The following FOXO1 variants were observed in gnomAD, a reference collection of about 807,000 sequenced individuals.
FOXO1 encodes the protein forkhead box protein O1.
In FOXO1, 6 loss-of-function variants were observed where a neutral mutation model predicts 44.1. The observed-to-expected ratio is 0.14, with a 90% CI of 0.07 to 0.27. The LOEUF is 0.27. Ranked by LOEUF, FOXO1 falls within the 10% of genes least tolerant of loss-of-function variation. The probability of loss-of-function intolerance (pLI) is 1.00; values close to 1 mark genes in which losing one functional copy is unlikely to be tolerated. For synonymous variants in FOXO1, 380 were observed against 362.7 expected, an observed-to-expected ratio of 1.05 and a Z score of -0.54; for missense variants, 737 against 888.8, an observed-to-expected ratio of 0.83 and a Z score of 2.17.
intron 1 of FOXO1, among the ~76,000 whole-genome samples, chr13:40,639,684 C>G (rs1225179270): frequency 6.6e-6 from 1 of 152,226 alleles, no homozygotes. Context: ...TCTCTAATCA[C>G]TAGATGCCAG....
chr13:40,616,369 T>C (rs965790576), intron 1 of FOXO1, among the ~76,000 whole-genome samples: 12 of 152,062 alleles, frequency 7.9e-5, no homozygotes, highest in African/African-American at 1.9e-4. Flanking sequence ...AAGGGACTAA[T>C]GTTTAAAGAT....
At chr13:40,566,643 C>T (rs1205589084) in intron 1 of FOXO1, among the ~76,000 whole-genome samples, 4 of 152,174 alleles carry the variant, frequency 2.6e-5, no homozygotes, top group East Asian at 1.9e-4. Context: ...CTCCACAAAG[C>T]GCTGGGATTA....
chr13:40,588,191 T>G (rs554227573), intron 1 of FOXO1, among the ~76,000 whole-genome samples: 1 of 152,088 alleles, frequency 6.6e-6, no homozygotes, highest in African/African-American at 2.4e-5. Flanking sequence ...GATTAGGGAG[T>G]GCTCATCTTC....
chr13:40,615,528 AATACATACATAC>A (rs56390235), intron 1 of FOXO1, among the ~76,000 whole-genome samples: 28,303 of 139,654 alleles, frequency 0.2, 2,995 homozygotes, highest in Non-Finnish European at 0.27. Context: ...CTCCATCTCA[AATACATACATAC>A]ATACATACAT....
chr13:40,625,777 G>A (rs1373091322), intron 1 of FOXO1, among the ~76,000 whole-genome samples: 2 of 152,120 alleles, frequency 1.3e-5, no homozygotes, highest in Admixed American at 1.3e-4. Context: ...AGGAAAACAT[G>A]GCATATGATA....
chr13:40,665,817 C>A lies in FOXO1; in HGVS notation c.396G>T (p.Ser132=), dbSNP rs1878219223. 6 of 1,202,940 alleles carry A rather than the reference C, an allele frequency of 5.0e-6. No homozygotes were observed. Among genetic ancestry groups the A allele is most frequent in the Non-Finnish European group, 5.2e-6 (5 of 964,988 alleles). 74.5% of individuals were successfully genotyped at this position (1,202,940 alleles called of 1,614,324 possible). A position where few individuals can be genotyped will look rare whatever the true frequency, so the allele number is the denominator to read the frequency against. ...PPQPPPPGPL[S]QHPPVPPAAA... ...CGGCGGGGGGCACCGGCGGGTGCTG[C>A]GACAGCGGCCCGGGCGGCGGGGGCT... Residue 132 remains serine (S), a synonymous_variant, in exon 1 of 3, where the codon TCG becomes TCT. Transcript: ENST00000379561.
At chr13:40,641,578 T>C (rs1159218365) in intron 1 of FOXO1, among the ~76,000 whole-genome samples, 2 of 152,218 alleles carry the variant, frequency 1.3e-5, no homozygotes, top group African/African-American at 2.4e-5. Flanking sequence ...TATTTTACTT[T>C]AGTATTTCCA....
Position 40,666,170 on chromosome 13 carries a change from C to T in FOXO1, c.43G>A (p.Glu15Lys). ...PQVVEIDPDF[E>K]PLPRPRSCTW... is the part of the protein sequence containing the mutation. ...CACGAGCGCGGCCGGGGCAGCGGCTCGAAGTCCGGGTCGATCTCCACCACC... is the reference window on the plus strand; with the variant it reads ...CACGAGCGCGGCCGGGGCAGCGGCTTGAAGTCCGGGTCGATCTCCACCACC... Residue 15 changes from glutamate (E) to lysine (K), a missense_variant, in exon 1 of 3, where the codon GAG becomes AAG. Physicochemically the swap from Glu to Lys is moderately conservative, Grantham distance 56. This residue lies in a region of FOXO1 where 213 missense variants were observed against 236.4 expected (regional missense o/e 0.90). Transcript: ENST00000379561. 1 of 1,459,598 alleles carries T rather than the reference C, an allele frequency of 6.9e-7. No individual in the cohort carries two copies. The highest frequency in any genetic ancestry group is 9.0e-7 in the Non-Finnish European group (1 of 1,109,130). 90.4% of individuals were successfully genotyped at this position (1,459,598 alleles called of 1,614,324 possible).
At chr13:40,584,183 C>G (rs547331617) in intron 1 of FOXO1, among the ~76,000 whole-genome samples, 1 of 151,996 alleles carries the variant, frequency 6.6e-6, no homozygotes, top group South Asian at 2.1e-4. Context: ...ATAAAAAGCT[C>G]CTCAAGTGAG....
chr13:40,626,518 C>T (rs979144110), intron 1 of FOXO1, among the ~76,000 whole-genome samples: 3 of 152,172 alleles, frequency 2.0e-5, no homozygotes, highest in Non-Finnish European at 4.4e-5. Context: ...TGTTACTAAA[C>T]ATGCCTAAAT....
intron 1 of FOXO1, among the ~76,000 whole-genome samples, chr13:40,664,401 C>T (rs1196843053): frequency 4.6e-5 from 7 of 151,902 alleles, no homozygotes; most frequent in Non-Finnish European, 1.5e-5. Flanking sequence ...GAAGCCTCCC[C>T]GGAGCCGAGG....
chr13:40,629,288 ATG>A (rs1876886967), intron 1 of FOXO1, among the ~76,000 whole-genome samples: 1 of 152,092 alleles, frequency 6.6e-6, no homozygotes, highest in Non-Finnish European at 1.5e-5. Flanking sequence ...GATTACAGGC[ATG>A]CGCCACCACG....
At chr13:40,567,287 C>A (rs756652260) in intron 1 of FOXO1, among the ~76,000 whole-genome samples, 3 of 151,868 alleles carry the variant, frequency 2.0e-5, no homozygotes, top group Non-Finnish European at 4.4e-5. Context: ...CCTTAGATGG[C>A]CTTCATACCC....
At chr13:40,663,408 A>G (rs891503949) in intron 1 of FOXO1, among the ~76,000 whole-genome samples, 1 of 152,200 alleles carries the variant, frequency 6.6e-6, no homozygotes, top group African/African-American at 2.4e-5. Flanking sequence ...ATCCCAAAAC[A>G]CTTCCTTTAT....
intron 1 of FOXO1, among the ~76,000 whole-genome samples, chr13:40,644,441 T>C (rs185060276): frequency 1.3e-4 from 20 of 151,790 alleles, no homozygotes; most frequent in Admixed American, 2.6e-4. Flanking sequence ...AAAAGTAGGG[T>C]GGGAGAATGA....
At chr13:40,644,955 T>C (rs1268661252) in intron 1 of FOXO1, among the ~76,000 whole-genome samples, 2 of 152,188 alleles carry the variant, frequency 1.3e-5, no homozygotes, top group Non-Finnish European at 2.9e-5. Context: ...GGCTGCAGAA[T>C]TTGCTAAACC....
intron 1 of FOXO1, among the ~76,000 whole-genome samples, chr13:40,649,242 TGAAAA>T: frequency 6.6e-6 from 1 of 152,228 alleles, no homozygotes. Context: ...AATTCTGTCT[TGAAAA>T]GAATCCCTCT....
intron 1 of FOXO1, among the ~76,000 whole-genome samples, chr13:40,660,948 AAACAACAACAACAACAAC>A (rs138057018): frequency 0.017 from 2,481 of 149,400 alleles, 79 homozygotes; most frequent in East Asian, 0.11. Context: ...TGGCTCAGAA[AAACAACAACAACAACAAC>A]AACAACAACA....
At chr13:40,585,343 G>GCGTGCACACA (rs10623475) in intron 1 of FOXO1, among the ~76,000 whole-genome samples, 1 of 147,020 alleles carries the variant, frequency 6.8e-6, no homozygotes, top group African/African-American at 2.5e-5. Flanking sequence ...CTGCGCGCGC[G>GCGTGCACACA]CACACACACA....
Sources: gnomAD v4.1 joint callset for allele counts (sites outside exome capture counted in the v4.1 genomes callset) on GRCh38, gnomAD v4.1.1 for gene constraint, gnomAD v4.1.1 regional missense constraint, MANE v1.5 for transcripts, NCBI Gene and HGNC (gene_info 2026-07-23, HGNC 2026-07-21) for gene names.